Variants in ARAP2 observed in about 807,000 individuals in gnomAD.
The protein encoded by ARAP2 is arf-GAP with Rho-GAP domain, ANK repeat and PH domain-containing protein 2.
A neutral mutation model predicts 194.5 loss-of-function variants in ARAP2; 148 were observed. That is an observed-to-expected ratio of 0.76 (90% confidence interval 0.67 to 0.87). The LOEUF (loss-of-function observed/expected upper bound fraction) is 0.87. Ranked by LOEUF, ARAP2 falls within the 40% of genes least tolerant of loss-of-function variation. The probability of loss-of-function intolerance (pLI) is 0.00; values close to 1 mark genes in which losing one functional copy is unlikely to be tolerated. For missense variants in ARAP2, 2,128 were observed against 1,989.7 expected, an observed-to-expected ratio of 1.07 and a Z score of -1.32; for synonymous variants, 695 against 683.5, an observed-to-expected ratio of 1.02 and a Z score of -0.26.
intron 19 of ARAP2, among the ~76,000 whole-genome samples, chr4:36,138,423 A>G (rs1727373315): frequency 1.3e-5 from 2 of 151,630 alleles, no homozygotes; most frequent in Admixed American, 1.3e-4. Flanking sequence ...CTCACCATTC[A>G]TTAGTTTCCC....
At chr4:36,006,127 G>T (rs1449262137) in intron 10 of ARAP2, 2 of 152,194 alleles carry the variant, frequency 1.3e-5, no homozygotes, top group Non-Finnish European at 2.9e-5. Flanking sequence ...AAGGGAGAAG[G>T]GTTAGGGGAT....
intron 1 of ARAP2, among the ~76,000 whole-genome samples, chr4:36,231,698 C>T (rs1317754955): frequency 1.3e-5 from 2 of 152,158 alleles, no homozygotes; most frequent in African/African-American, 2.4e-5. Flanking sequence ...AAAATACATA[C>T]ACACACGCAC....
At chr4:36,178,269 A>G (rs1254570896) in intron 8 of ARAP2, among the ~76,000 whole-genome samples, 1 of 152,166 alleles carries the variant, frequency 6.6e-6, no homozygotes, top group African/African-American at 2.4e-5. Flanking sequence ...CCTACTCCAG[A>G]TCTGATGAAT....
chr4:36,035,643 T>C (rs1306184859), intron 5 of ARAP2, among the ~76,000 whole-genome samples: 1 of 151,958 alleles, frequency 6.6e-6, no homozygotes, highest in Non-Finnish European at 1.5e-5. Flanking sequence ...ATTTTCAGTG[T>C]TTTCCATGGC....
intron 32 of ARAP2, among the ~76,000 whole-genome samples, chr4:36,070,538 A>G (rs1726595398): frequency 6.6e-6 from 1 of 152,182 alleles, no homozygotes; most frequent in Non-Finnish European, 1.5e-5. Context: ...CAGACAGAGC[A>G]GGTTTTACTT....
At chr4:36,072,823 C>A (rs1727344993) in intron 32 of ARAP2, among the ~76,000 whole-genome samples, 1 of 152,028 alleles carries the variant, frequency 6.6e-6, no homozygotes, top group Admixed American at 6.6e-5. Context: ...TGAAGCTTTT[C>A]TCTTTTAGAG....
intron 23 of ARAP2, among the ~76,000 whole-genome samples, 187 bp from the exon 24 acceptor site, chr4:36,119,905 G>T (rs1483268005): frequency 1.3e-5 from 2 of 151,206 alleles, no homozygotes; most frequent in Non-Finnish European, 3.0e-5. Flanking sequence ...GTATCCTAAA[G>T]TTCAAAATAT....
chr4:36,054,889 T>C (rs762826437), intron 2 of ARAP2, among the ~76,000 whole-genome samples: 4 of 152,200 alleles, frequency 2.6e-5, no homozygotes, highest in Non-Finnish European at 5.9e-5. Flanking sequence ...TGTAGTCTAC[T>C]TTAAGGACAT....
chr4:36,015,340 C>A (rs901513816), intron 8 of ARAP2: 4 of 152,174 alleles, frequency 2.6e-5, no homozygotes, highest in African/African-American at 9.7e-5. Context: ...TGTTGCATAA[C>A]AAGCATCCCT....
chr4:36,115,599 A>G (rs1721122995), intron 25 of ARAP2, among the ~76,000 whole-genome samples: 1 of 151,980 alleles, frequency 6.6e-6, no homozygotes, highest in African/African-American at 2.4e-5. Context: ...TCTACAGAAT[A>G]TACAGATCAG....
chr4:36,243,026 C>CA (rs971093851), intron 1 of ARAP2, among the ~76,000 whole-genome samples: 115 of 150,960 alleles, frequency 7.6e-4, no homozygotes, highest in African/African-American at 2.5e-3. Context: ...CGTTGTTGGA[C>CA]AAAAAATGTC....
chr4:36,172,716 C>T lies in ARAP2; in HGVS notation c.1857+5111G>A, dbSNP rs1235313088. ...CCCCAAATCTGCTGAAATCTCAAAC[C>T]TATTTTTGGAATTACTGGATGCCAG... is the stretch of plus-strand genomic sequence containing the variant. On this transcript the variant is annotated intron_variant, in intron 9 of 32. Transcript: ENST00000303965. Among the ~76,000 whole-genome samples the T allele has an allele frequency of 3.9e-5, 6 of 152,148 alleles. No homozygotes were observed. In the East Asian group the frequency reaches 1.2e-3, roughly 29 times the overall value.
intron 5 of ARAP2, among the ~76,000 whole-genome samples, chr4:36,023,710 A>G (rs1041181948): frequency 6.6e-6 from 1 of 152,176 alleles, no homozygotes; most frequent in Non-Finnish European, 1.5e-5. Flanking sequence ...CATGCAGGAC[A>G]TAATAATGGA....
intron 1 of ARAP2, among the ~76,000 whole-genome samples, chr4:36,058,876 A>G (rs4493560): frequency 2.4e-4 from 37 of 152,310 alleles, no homozygotes; most frequent in African/African-American, 8.7e-4. Flanking sequence ...TAAAGGGGAT[A>G]GCAGAAAGAT....
chr4:36,235,797 CT>C (rs1366645465), intron 1 of ARAP2, among the ~76,000 whole-genome samples: 2 of 152,088 alleles, frequency 1.3e-5, no homozygotes, highest in African/African-American at 2.4e-5. Context: ...AACAGAGGTC[CT>C]CAAATCAGGA....
chr4:36,033,503 T>G (rs920491243), intron 5 of ARAP2, among the ~76,000 whole-genome samples: 81 of 152,172 alleles, frequency 5.3e-4, no homozygotes, highest in African/African-American at 1.9e-3. Context: ...CGTTTTTTTT[T>G]TTCTTGTAAA....
chr4:36,138,405 T>G (rs73809126), intron 19 of ARAP2, among the ~76,000 whole-genome samples: 2,693 of 151,860 alleles, frequency 0.018, 68 homozygotes, highest in African/African-American at 0.061. Flanking sequence ...AGAACTTATC[T>G]GCCTTCTCTC....
At chr4:36,080,058 A>G (rs1420996273) in intron 31 of ARAP2, among the ~76,000 whole-genome samples, 158 bp downstream of exon 31, 1 of 152,196 alleles carries the variant, frequency 6.6e-6, no homozygotes, top group African/African-American at 2.4e-5. Context: ...ACTTTAATAT[A>G]CTATTTTAAA....
chr4:36,185,077 A>T lies in ARAP2; in HGVS notation c.1678+2374T>A, dbSNP rs116692262. On this transcript the variant is annotated intron_variant, in intron 8 of 32. Transcript: ENST00000303965. ...AAACATTTTAGGCTTTACCGGCCACAGTCTGTGCCACAACTACTCAGTGAT... is the reference window on the plus strand; with the variant it reads ...AAACATTTTAGGCTTTACCGGCCACTGTCTGTGCCACAACTACTCAGTGAT... Among the ~76,000 whole-genome samples the T allele has an allele frequency of 1.5e-4, 23 of 152,330 alleles. No individual in the cohort carries two copies. In the East Asian group the frequency reaches 2.7e-3, roughly 18 times the overall value.
Sources: allele counts gnomAD v4.1 joint callset (sites outside exome capture counted in the v4.1 genomes callset), GRCh38; gene constraint gnomAD v4.1.1; transcripts MANE v1.5; gene names NCBI Gene and HGNC (gene_info 2026-07-23, HGNC 2026-07-21).